CCNY: variants seen among roughly 807,000 people sequenced by gnomAD.
The protein encoded by CCNY is cyclin Y.
CCNY carries 19 observed loss-of-function variants against 42.8 expected under a neutral mutation model. The ratio of observed to expected loss-of-function variants is 0.44; its 90% CI spans 0.31 to 0.65. CCNY has a LOEUF of 0.65. CCNY is among the 30% of genes least tolerant of loss of function. CCNY has a pLI of 0.07. For missense variants in CCNY, 370 were observed against 437.3 expected (o/e 0.85, Z 1.37); for synonymous variants, 165 against 162.7 (o/e 1.01, Z -0.11).
intron 1 of CCNY, among the ~76,000 whole-genome samples, chr10:35,440,533 T>TTCCCACCCC (rs1436181328): frequency 1.3e-5 from 2 of 152,238 alleles, no homozygotes; most frequent in Non-Finnish European, 2.9e-5. Context: ...AGACCCTTGC[T>TTCCCACCCC]TCCCACCCCT....
intron 1 of CCNY, among the ~76,000 whole-genome samples, chr10:35,482,408 CT>C (rs1301137226): frequency 6.6e-6 from 1 of 152,126 alleles, no homozygotes; most frequent in Non-Finnish European, 1.5e-5. Context: ...TAACTTAATT[CT>C]TCTGTTTTGC....
At chr10:35,473,779 C>CT (rs965883460) in intron 1 of CCNY, among the ~76,000 whole-genome samples, 1 of 151,844 alleles carries the variant, frequency 6.6e-6, no homozygotes, top group African/African-American at 2.4e-5. Flanking sequence ...AAATGTGTTC[C>CT]TTGGGGGGAG....
At chr10:35,357,048 C>T (rs1043119717) in intron 1 of CCNY, among the ~76,000 whole-genome samples, 11 of 152,170 alleles carry the variant, frequency 7.2e-5, no homozygotes, top group Non-Finnish European at 1.6e-4. Flanking sequence ...AGATGTTCTT[C>T]CTTCTGCCCT....
chr10:35,467,571 AT>A (rs1839296401), intron 1 of CCNY, among the ~76,000 whole-genome samples: 1 of 152,174 alleles, frequency 6.6e-6, no homozygotes, highest in Non-Finnish European at 1.5e-5. Flanking sequence ...ACCATCTTAT[AT>A]TTTCTGTGTA....
At chr10:35,271,553 A>G (rs145322678) in intron 3 of CCNY, among the ~76,000 whole-genome samples, 1 of 152,268 alleles carries the variant, frequency 6.6e-6, no homozygotes, top group African/African-American at 2.4e-5. Flanking sequence ...ATTTTACCAG[A>G]GCCTAACCTG....
intron 1 of CCNY, among the ~76,000 whole-genome samples, chr10:35,458,068 A>C (rs1000508499): frequency 6.6e-6 from 1 of 152,228 alleles, no homozygotes; most frequent in African/African-American, 2.4e-5. Context: ...GTTTAAAAGA[A>C]AATTGGAAGC....
chr10:35,364,276 G>A (rs1346971891), intron 1 of CCNY, among the ~76,000 whole-genome samples: 1 of 152,112 alleles, frequency 6.6e-6, no homozygotes, highest in Non-Finnish European at 1.5e-5. Context: ...GAAGGAGCAA[G>A]CAGGAGTGGA....
At chr10:35,481,222 A>G (rs1279557198) in intron 1 of CCNY, among the ~76,000 whole-genome samples, 2 of 152,212 alleles carry the variant, frequency 1.3e-5, no homozygotes, top group African/African-American at 2.4e-5. Flanking sequence ...AAATGATAGT[A>G]CTATTATTTA....
At chr10:35,486,883 G>C (rs769482909) in intron 2 of CCNY, among the ~76,000 whole-genome samples, 89 of 152,274 alleles carry the variant, frequency 5.8e-4, no homozygotes, top group Middle Eastern at 6.8e-3. Context: ...CTTCCTCCTT[G>C]AGGGTTTCTT....
At chr10:35,471,369 T>TAA (rs1839388875) in intron 1 of CCNY, among the ~76,000 whole-genome samples, 2 of 152,184 alleles carry the variant, frequency 1.3e-5, no homozygotes, top group Admixed American at 6.5e-5. Flanking sequence ...TTTTACTAGT[T>TAA]TTTCAGACCA....
chr10:35,425,977 C>T (rs972847704), intron 1 of CCNY, among the ~76,000 whole-genome samples: 4 of 152,030 alleles, frequency 2.6e-5, no homozygotes, highest in African/African-American at 4.8e-5. Context: ...CTGCAGCTTC[C>T]TTTTCACCCT....
At chr10:35,557,801 A>G (rs184414518) in intron 8 of CCNY, among the ~76,000 whole-genome samples, 2 of 152,346 alleles carry the variant, frequency 1.3e-5, no homozygotes, top group East Asian at 3.9e-4. Context: ...TACAAAAAGT[A>G]AAACCTTATG....
intron 1 of CCNY, among the ~76,000 whole-genome samples, chr10:35,393,287 A>G (rs1450658135): frequency 1.3e-5 from 2 of 152,190 alleles, no homozygotes; most frequent in Non-Finnish European, 2.9e-5. Flanking sequence ...GAGGCAATCA[A>G]ATAACAGTGT....
intron 9 of CCNY, among the ~76,000 whole-genome samples, chr10:35,567,680 G>T (rs1004174000): frequency 1.2e-4 from 18 of 152,140 alleles, no homozygotes; most frequent in Non-Finnish European, 1.0e-4. Context: ...ACCTGTTATG[G>T]ATTACACGCT....
At chr10:35,487,098 T>A (rs185959922) in intron 2 of CCNY, among the ~76,000 whole-genome samples, 7 of 152,334 alleles carry the variant, frequency 4.6e-5, no homozygotes, top group African/African-American at 1.4e-4. Flanking sequence ...AGAAGGAAGA[T>A]GACAAAACCA....
intron 9 of CCNY, among the ~76,000 whole-genome samples, chr10:35,567,008 C>A (rs952557287): frequency 3.9e-5 from 6 of 152,258 alleles, no homozygotes; most frequent in Admixed American, 2.6e-4. Flanking sequence ...CACCACAATT[C>A]TATTTTGAAA....
upstream of CCNY, among the ~76,000 whole-genome samples, chr10:35,331,515 A>G (rs962441490): frequency 6.6e-5 from 10 of 152,134 alleles, no homozygotes; most frequent in African/African-American, 2.4e-4. Context: ...TTCATCATGC[A>G]TTCCATCAAC....
At chr10:35,347,794 T>C (rs914110513) in intron 1 of CCNY, among the ~76,000 whole-genome samples, 4 of 152,212 alleles carry the variant, frequency 2.6e-5, no homozygotes, top group African/African-American at 9.7e-5. Flanking sequence ...ATTGGATACA[T>C]TTATTCCAGT....
chr10:35,254,245 T>C (rs1018021985), intron 3 of CCNY, among the ~76,000 whole-genome samples: 2 of 152,186 alleles, frequency 1.3e-5, no homozygotes, highest in Admixed American at 1.3e-4. Context: ...ACACATTTCT[T>C]TGGCTTCTGA....
Sources: allele counts gnomAD v4.1 joint callset (sites outside exome capture counted in the v4.1 genomes callset), GRCh38; gene constraint gnomAD v4.1.1; transcripts MANE v1.5; gene names NCBI Gene and HGNC (gene_info 2026-07-23, HGNC 2026-07-21).